The following RHBDD2 variants were observed in gnomAD, a reference collection of about 807,000 sequenced individuals.
The protein encoded by RHBDD2 is rhomboid domain-containing protein 2.
A neutral mutation model predicts 21.7 loss-of-function variants in RHBDD2; 13 were observed. The ratio of observed to expected loss-of-function variants is 0.60; its 90% CI spans 0.39 to 0.95. The LOEUF (loss-of-function observed/expected upper bound fraction) is 0.95, where lower values mean the gene tolerates loss of function less well. Among genes scored for constraint, RHBDD2 ranks in the 40% least tolerant of loss-of-function variants. The pLI, the probability that RHBDD2 is intolerant of heterozygous loss-of-function variation, is 0.00. For synonymous variants in RHBDD2, 225 were observed against 220.0 expected, an observed-to-expected ratio of 1.02 and a Z score of -0.20; for missense variants, 473 against 478.9, an observed-to-expected ratio of 0.99 and a Z score of 0.11.
chr7:75,881,980 C>A lies in RHBDD2; in HGVS notation c.330C>A (p.Ser110=). The A allele has an allele frequency of 6.2e-7, 1 of 1,614,248 alleles. No individual in the cohort carries two copies. The highest frequency in any genetic ancestry group is 8.5e-7 in the Non-Finnish European group (1 of 1,180,052). Residue 110 remains serine (S), a synonymous_variant, in exon 2 of 4, where the codon TCC becomes TCA. Transcript: ENST00000006777. ...TCACCGTGATCTTCGCCATCTTCTC[C>A]GCTATCATCTTCCTGTCATTCGAGG... ...CFFTVIFAIF[S]AIIFLSFEAV...
intron 3 of RHBDD2, among the ~76,000 whole-genome samples, chr7:75,885,920 G>A (rs1334041122): frequency 6.6e-6 from 1 of 152,140 alleles, no homozygotes; most frequent in Admixed American, 6.5e-5. Flanking sequence ...AGGCTGGAGT[G>A]CAGTGGCGTG....
chr7:75,879,068 G>A lies in RHBDD2; in HGVS notation c.-15G>A, dbSNP rs782551664. ...GCAGCCGGCGTCGAGGCGGGGCGCG[G>A]GAACGACGGCGGCCATGGCGGCCTC... On this transcript the variant is annotated 5_prime_UTR_variant, in exon 1 of 4. Coordinates refer to ENST00000006777, the MANE Select transcript of RHBDD2 (RefSeq NM_001040456.3). The A allele has an allele frequency of 3.7e-6, 5 of 1,365,770 alleles. No homozygotes were observed. In the Admixed American group the frequency reaches 1.9e-4, roughly 52 times the overall value. 84.6% of individuals were successfully genotyped at this position (1,365,770 alleles called of 1,614,324 possible). A position where few individuals can be genotyped will look rare whatever the true frequency, so the allele number is the denominator to read the frequency against.
chr7:75,885,513 C>G (rs551304944), intron 3 of RHBDD2, among the ~76,000 whole-genome samples: 56 of 152,174 alleles, frequency 3.7e-4, no homozygotes, highest in South Asian at 1.9e-3. Context: ...GGTCCTCCCC[C>G]CAAAAAAGGA....
At chr7:75,881,550 C>T (rs1175496231) in intron 1 of RHBDD2, 3 of 1,364,224 alleles carry the variant, frequency 2.2e-6, no homozygotes, top group Non-Finnish European at 2.9e-6. Flanking sequence ...AGACTGCCCT[C>T]TACCGAAAAG....
chr7:75,883,656 T>G (rs1483232931), intron 2 of RHBDD2, 42 bp from the exon 3 acceptor site: 2 of 1,594,716 alleles, frequency 1.3e-6, no homozygotes, highest in African/African-American at 1.3e-5. Context: ...TCGGCCCTCC[T>G]CCCTTTGCTG....
chr7:75,884,651 C>T (rs1805545810), intron 3 of RHBDD2, among the ~76,000 whole-genome samples: 1 of 152,178 alleles, frequency 6.6e-6, no homozygotes, highest in Non-Finnish European at 1.5e-5. Flanking sequence ...GGATTCTGCA[C>T]AACTGCTTCT....
chr7:75,888,134 T>C lies in RHBDD2; in HGVS notation c.880T>C (p.Leu294=). The C allele has an allele frequency of 6.2e-7, 1 of 1,613,772 alleles. No homozygotes were observed. The highest frequency in any genetic ancestry group is 8.5e-7 in the Non-Finnish European group (1 of 1,180,040). Residue 294 remains leucine, a synonymous_variant, in exon 4 of 4, where the codon TTG becomes CTG. Transcript: ENST00000006777. ...CTGCACCCCCGGGCACATGCCCACC[T>C]TGCCTCCGTACCAGCCTGCCTCCGG... ...PSCTPGHMPT[L]PPYQPASGLC...
Position 75,888,277 on chromosome 7 carries a change from G to A in RHBDD2, c.1023G>A (p.Thr341=), listed in dbSNP as rs199976755. 2.0e-5 allele frequency: 32 copies of A among 1,613,310 alleles called. No individual in the cohort carries two copies. The highest frequency in any genetic ancestry group is 2.7e-5 in the African/African-American group (2 of 74,942). The part of the protein sequence containing the change: ...QPPTPVNSPG[T]VYSGALGTPG... ...CCACGCCTGTGAACAGCCCTGGCACGGTGTATTCTGGGGCCTTGGGCACAC... is the reference window on the plus strand; with the variant it reads ...CCACGCCTGTGAACAGCCCTGGCACAGTGTATTCTGGGGCCTTGGGCACAC... The change falls in exon 4 of 4, where the codon ACG becomes ACA. Residue 341 remains threonine (T), a synonymous_variant. Coordinates refer to ENST00000006777, the MANE Select transcript of RHBDD2 (RefSeq NM_001040456.3).
intron 3 of RHBDD2, among the ~76,000 whole-genome samples, chr7:75,886,516 G>T (rs1178981992): frequency 6.6e-6 from 1 of 152,124 alleles, no homozygotes; most frequent in African/African-American, 2.4e-5. Flanking sequence ...TGATGAGAAA[G>T]TTCTTCCATG....
intron 1 of RHBDD2, chr7:75,881,566 T>C (rs1805324106): frequency 6.6e-6 from 9 of 1,356,236 alleles, no homozygotes; most frequent in Non-Finnish European, 8.7e-6. Context: ...AAAAGTATTA[T>C]TTTTTTCCCT....
chr7:75,884,413 T>C (rs1482230847), intron 3 of RHBDD2, among the ~76,000 whole-genome samples: 12 of 151,716 alleles, frequency 7.9e-5, no homozygotes, highest in Non-Finnish European at 1.2e-4. Context: ...AGGGACAGGG[T>C]CTCCACTGTG....
At chr7:75,884,039 C>G (rs568097234) in intron 3 of RHBDD2, among the ~76,000 whole-genome samples, 191 bp downstream of exon 3, 1 of 151,718 alleles carries the variant, frequency 6.6e-6, no homozygotes, top group Non-Finnish European at 1.5e-5. Context: ...ATTACAGGTG[C>G]CCACCACTAC....
Position 75,879,053 on chromosome 7 carries a change from T to A in RHBDD2, c.-30T>A. 7.3e-7 allele frequency: 1 copy of A among 1,365,992 alleles called. No individual in the cohort carries two copies. Among genetic ancestry groups the A allele is most frequent in the Non-Finnish European group, 9.5e-7 (1 of 1,056,270 alleles). 84.6% of individuals were successfully genotyped at this position (1,365,992 alleles called of 1,614,324 possible). ...AGGAGCAGAGGACCGGCAGCCGGCGTCGAGGCGGGGCGCGGGAACGACGGC... is the reference window on the plus strand; with the variant it reads ...AGGAGCAGAGGACCGGCAGCCGGCGACGAGGCGGGGCGCGGGAACGACGGC... On this transcript the variant is annotated 5_prime_UTR_variant, in exon 1 of 4. Transcript: ENST00000006777.
chr7:75,879,382 T>G, intron 1 of RHBDD2, 122 bp downstream of exon 1: 1 of 948,470 alleles, frequency 1.1e-6, no homozygotes, highest in Non-Finnish European at 1.5e-6. Context: ...CCTGTCTCGG[T>G]CCTCATCACC....
Position 75,879,156 on chromosome 7 carries a change from C to G in RHBDD2, c.74C>G (p.Ala25Gly). The change falls in exon 1 of 4, where the codon GCG becomes GGG. Residue 25 changes from alanine (A) to glycine (G), a missense_variant. Ala to Gly is a moderately conservative substitution (Grantham distance 60). Transcript: ENST00000006777. ...PEVPSATFFTALLSLLVSGPR... is the reference protein window; with the variant it reads ...PEVPSATFFTGLLSLLVSGPR... ...GTGCCATCCGCCACCTTCTTCACTG[C>G]GCTGCTCTCGCTGCTGGTTTCCGGG... 3.3e-6 allele frequency: 5 copies of G among 1,498,968 alleles called. No homozygotes were observed. Among genetic ancestry groups the G allele is most frequent in the Admixed American group, 4.4e-5 (2 of 45,380 alleles). 92.9% of individuals were successfully genotyped at this position (1,498,968 alleles called of 1,614,324 possible).
Position 75,888,482 on chromosome 7 carries a change from C to G in RHBDD2, c.*133C>G. On this transcript the variant is annotated 3_prime_UTR_variant, in exon 4 of 4. Coordinates refer to ENST00000006777, the MANE Select transcript of RHBDD2 (RefSeq NM_001040456.3). Reference sequence around the variant, plus strand: ...GGTACTTTGATCAATGCCCCTGTTTCAGTCTCATCTGTACTCACGGCAGCC... The same window carrying G: ...GGTACTTTGATCAATGCCCCTGTTTGAGTCTCATCTGTACTCACGGCAGCC... The G allele has an allele frequency of 1.4e-6, 1 of 739,594 alleles. No homozygotes were observed. Among genetic ancestry groups the G allele is most frequent in the Admixed American group, 2.4e-5 (1 of 41,346 alleles). 45.8% of individuals were successfully genotyped at this position (739,594 alleles called of 1,614,324 possible).
chr7:75,888,309 C>G lies in RHBDD2; in HGVS notation c.1055C>G (p.Ala352Gly), dbSNP rs1554544548. 6.2e-7 allele frequency: 1 copy of G among 1,612,558 alleles called. No homozygotes were observed. Among genetic ancestry groups the G allele is most frequent in the East Asian group, 2.2e-5 (1 of 44,880 alleles). ...VYSGALGTPGAAGSKESSRVP... is the reference protein window; with the variant it reads ...VYSGALGTPGGAGSKESSRVP... Reference sequence around the variant, plus strand: ...TCTGGGGCCTTGGGCACACCAGGGGCTGCAGGCTCCAAGGAGTCCTCCAGG... The same window carrying G: ...TCTGGGGCCTTGGGCACACCAGGGGGTGCAGGCTCCAAGGAGTCCTCCAGG... The change falls in exon 4 of 4, where the codon GCT becomes GGT. Residue 352 changes from alanine to glycine, a missense_variant. Coordinates refer to ENST00000006777, the MANE Select transcript of RHBDD2 (RefSeq NM_001040456.3).
rs1333835281 is a variant in RHBDD2, at chr7:75,879,048, C to T, written c.-35C>T. ...GCGGAAGGAGCAGAGGACCGGCAGCCGGCGTCGAGGCGGGGCGCGGGAACG... is the reference window on the plus strand; with the variant it reads ...GCGGAAGGAGCAGAGGACCGGCAGCTGGCGTCGAGGCGGGGCGCGGGAACG... On this transcript the variant is annotated 5_prime_UTR_variant, in exon 1 of 4. Coordinates refer to ENST00000006777, the MANE Select transcript of RHBDD2 (RefSeq NM_001040456.3). The T allele has an allele frequency of 2.9e-6, 4 of 1,366,272 alleles. No individual in the cohort carries two copies. The highest frequency in any genetic ancestry group is 1.7e-5 in the South Asian group (1 of 59,894). 84.6% of individuals were successfully genotyped at this position (1,366,272 alleles called of 1,614,324 possible). A position where few individuals can be genotyped will look rare whatever the true frequency, so the allele number is the denominator to read the frequency against.
At chr7:75,884,595 G>A (rs534864313) in intron 3 of RHBDD2, among the ~76,000 whole-genome samples, 1 of 152,308 alleles carries the variant, frequency 6.6e-6, no homozygotes, top group African/African-American at 2.4e-5. Flanking sequence ...AAGAAATGAG[G>A]TGCGGCAGAT....
Sources: gnomAD v4.1 joint callset for allele counts (sites outside exome capture counted in the v4.1 genomes callset) on GRCh38, gnomAD v4.1.1 for gene constraint, MANE v1.5 for transcripts, NCBI Gene and HGNC (gene_info 2026-07-23, HGNC 2026-07-21) for gene names.